Variants in HUNK observed in about 807,000 individuals in gnomAD.
The protein encoded by HUNK is hormonally up-regulated neu tumor-associated kinase.
A neutral mutation model predicts 61.0 loss-of-function variants in HUNK; 21 were observed. The observed-to-expected ratio is 0.34, with a 90% CI of 0.24 to 0.50. The LOEUF (loss-of-function observed/expected upper bound fraction) is 0.50, where lower values mean the gene tolerates loss of function less well. HUNK is among the 20% of genes least tolerant of loss of function. The pLI is 0.98. For missense variants in HUNK, 772 were observed against 945.7 expected (o/e 0.82, Z 2.41); for synonymous variants, 371 against 386.1 (o/e 0.96, Z 0.46).
chr21:31,968,489 G>A (rs886876492), intron 6 of HUNK, 104 bp downstream of exon 6: 22 of 1,381,544 alleles, frequency 1.6e-5, no homozygotes, highest in South Asian at 2.6e-5. Flanking sequence ...AGGAAAAGCC[G>A]CGCTCTCTCT....
intron 3 of HUNK, among the ~76,000 whole-genome samples, chr21:31,940,755 C>T (rs1383890373): frequency 6.6e-6 from 1 of 152,170 alleles, no homozygotes; most frequent in Non-Finnish European, 1.5e-5. Context: ...ATAGCAAATT[C>T]ACTGCACAAC....
chr21:31,980,863 C>T (rs1034890054), intron 7 of HUNK, among the ~76,000 whole-genome samples: 2 of 152,190 alleles, frequency 1.3e-5, no homozygotes, highest in South Asian at 2.1e-4. Flanking sequence ...CGCCACCATG[C>T]CCAGGTAATT....
At position 31,942,402 on chromosome 21, in the gene HUNK, G is replaced by A. The variant is rs951062688; in HGVS notation, c.610+2182G>A. 2.0e-5 allele frequency among the ~76,000 whole-genome samples: 3 copies of A among 152,350 alleles called. 1 individual carries two copies. In the South Asian group the frequency reaches 6.2e-4, roughly 32 times the overall value. On this transcript the variant is annotated intron_variant, in intron 3 of 10. Transcript: ENST00000270112. ...GAACTATCTTGTGGAATAAGCAATG[G>A]TGAAATGCACAGACCTTTTTATTGG...
chr21:31,890,679 T>TTGTATGTTCATCTCAGAGA (rs1231479402), intron 1 of HUNK, among the ~76,000 whole-genome samples: 9 of 152,336 alleles, frequency 5.9e-5, no homozygotes, highest in Non-Finnish European at 1.3e-4. Context: ...GTTGCTATCC[T>TTGTATGTTCATCTCAGAGA]TGTATGTTCA....
At chr21:31,941,726 C>T (rs2052770062) in intron 3 of HUNK, among the ~76,000 whole-genome samples, 1 of 152,156 alleles carries the variant, frequency 6.6e-6, no homozygotes, top group African/African-American at 2.4e-5. Flanking sequence ...CTCTGGTCCT[C>T]ATTTCCGAGA....
chr21:31,951,007 G>C (rs1263622387), intron 4 of HUNK, among the ~76,000 whole-genome samples: 1 of 151,930 alleles, frequency 6.6e-6, no homozygotes, highest in Non-Finnish European at 1.5e-5. Context: ...CCTACAAATA[G>C]GGCCCCCAGG....
chr21:31,970,544 T>C (rs1340115063), intron 6 of HUNK, among the ~76,000 whole-genome samples: 2 of 152,126 alleles, frequency 1.3e-5, no homozygotes, highest in African/African-American at 4.8e-5. Flanking sequence ...TCATTATCCA[T>C]ACTCATGATG....
rs915142571 is a variant in HUNK at position 31,989,709 on chromosome 21, G to A, written c.1258-420G>A. Among the ~76,000 whole-genome samples, 14 of 104,648 alleles carry A rather than the reference G, an allele frequency of 1.3e-4. 1 individual carries two copies. The highest frequency in any genetic ancestry group is 5.3e-4 in the African/African-American group (14 of 26,538). 68.7% of individuals were successfully genotyped at this position (104,648 alleles called of 152,430 possible). On this transcript the variant is annotated intron_variant, in intron 8 of 10. Coordinates refer to ENST00000270112, the MANE Select transcript of HUNK (RefSeq NM_014586.2). ...AACCTGTGTGACAGAGCGAGACTCG[G>A]TCTCAAAAAAAAAAAAAAAAAAAAG...
At position 31,873,664 on chromosome 21, in the gene HUNK, C is replaced by CG. The variant is rs200658316; in HGVS notation, c.-9dup. 991,651 of 992,482 alleles carry CG rather than the reference C, an allele frequency of 1. 495,412 individuals carry two copies. The highest frequency in any genetic ancestry group is 1 in the Middle Eastern group (1,954 of 1,954). The allele number at this position is 992,482 out of a possible 1,614,324, so 61.5% of individuals were successfully genotyped here. A position where few individuals can be genotyped will look rare whatever the true frequency, so the allele number is the denominator to read the frequency against. ...AGACGAGCAGGAGCCGCGCGGGCCG[C>CG]GGCGAGCGCGATGCCGGCGGCGGCG... On this transcript the variant is annotated 5_prime_UTR_variant, in exon 1 of 11. Transcript: ENST00000270112. This position sits in a 1 kb window ranked among gnomAD's most constrained non-coding sequence, Gnocchi z 6.1.
At chr21:31,959,065 G>T (rs1443182064) in intron 5 of HUNK, 95 bp downstream of exon 5, 2 of 1,231,898 alleles carry the variant, frequency 1.6e-6, no homozygotes, top group Non-Finnish European at 2.2e-6. Flanking sequence ...CAGTAATGGT[G>T]TTATGTCTAT....
At chr21:31,907,563 G>A (rs1302973939) in intron 1 of HUNK, among the ~76,000 whole-genome samples, 1 of 152,176 alleles carries the variant, frequency 6.6e-6, no homozygotes, top group Non-Finnish European at 1.5e-5. Context: ...ATAGTGCCCA[G>A]GTGGGGACCA....
chr21:31,917,397 G>C (rs957624668), intron 1 of HUNK, among the ~76,000 whole-genome samples: 1 of 152,064 alleles, frequency 6.6e-6, no homozygotes, highest in Non-Finnish European at 1.5e-5. Context: ...TGCACAAGCT[G>C]CTATTTCTTA....
intron 5 of HUNK, among the ~76,000 whole-genome samples, chr21:31,963,463 C>T (rs888198445): frequency 3.9e-5 from 6 of 152,132 alleles, no homozygotes; most frequent in African/African-American, 1.2e-4. Flanking sequence ...CACTAATGCA[C>T]ATCTTTATTA....
chr21:31,935,322 C>T (rs1447715754), intron 2 of HUNK, among the ~76,000 whole-genome samples: 1 of 152,140 alleles, frequency 6.6e-6, no homozygotes, highest in African/African-American at 2.4e-5. Context: ...TCCCGCATAC[C>T]TTCCCCCTAC....
intron 1 of HUNK, among the ~76,000 whole-genome samples, chr21:31,909,041 T>C (rs1427237336): frequency 2.0e-5 from 3 of 152,132 alleles, no homozygotes; most frequent in Non-Finnish European, 2.9e-5. Context: ...ACAATACTCA[T>C]CTCCCCTTAA....
chr21:31,936,177 T>C (rs922022779), intron 2 of HUNK, among the ~76,000 whole-genome samples: 2 of 152,230 alleles, frequency 1.3e-5, no homozygotes, highest in Non-Finnish European at 2.9e-5. Flanking sequence ...AAGGACATCT[T>C]GGGTGCTTCC....
intron 7 of HUNK, among the ~76,000 whole-genome samples, chr21:31,975,094 C>T (rs964976936): frequency 6.6e-6 from 1 of 151,990 alleles, no homozygotes; most frequent in Non-Finnish European, 1.5e-5. Flanking sequence ...AGCAGTGCCT[C>T]CCGGGCATTT....
At chr21:31,959,062 G>T in intron 5 of HUNK, 92 bp downstream of exon 5, 1 of 1,253,726 alleles carries the variant, frequency 8.0e-7, no homozygotes, top group Non-Finnish European at 1.1e-6. Context: ...TTGCAGTAAT[G>T]GTGTTATGTC....
intron 6 of HUNK, 93 bp from the exon 7 acceptor site, chr21:31,974,462 G>A: frequency 2.5e-6 from 3 of 1,185,954 alleles, no homozygotes; most frequent in South Asian, 3.6e-5. Flanking sequence ...GAATGAATGA[G>A]TGAATGAATG....
Sources: gnomAD v4.1 joint callset for allele counts (sites outside exome capture counted in the v4.1 genomes callset) on GRCh38, gnomAD v4.1.1 for gene constraint, Gnocchi (gnomAD v3.1) non-coding constraint, MANE v1.5 for transcripts, NCBI Gene and HGNC (gene_info 2026-07-23, HGNC 2026-07-21) for gene names.